TENM2: variants seen among roughly 807,000 people sequenced by gnomAD.
The protein encoded by TENM2 is teneurin-2.
TENM2 carries 52 observed loss-of-function variants against 245.2 expected under a neutral mutation model. That is an observed-to-expected ratio of 0.21 (90% CI 0.17 to 0.27). TENM2 has a LOEUF of 0.27. TENM2 is among the 10% of genes least tolerant of loss of function. The pLI, the probability that TENM2 is intolerant of heterozygous loss-of-function variation, is 1.00. For synonymous variants in TENM2, 1,363 were observed against 1,438.9 expected, an observed-to-expected ratio of 0.95 and a Z score of 1.19; for missense variants, 3,046 against 3,666.8, an observed-to-expected ratio of 0.83 and a Z score of 4.37.
chr5:167,646,931 A>C (rs562204153), intron 2 of TENM2, among the ~76,000 whole-genome samples: 1 of 152,304 alleles, frequency 6.6e-6, no homozygotes, highest in South Asian at 2.1e-4. Flanking sequence ...CGCAGTTGAA[A>C]GGAGAGAACG....
At chr5:166,982,602 G>T in the TENM2 span, among the ~76,000 whole-genome samples, 2 of 152,004 alleles carry the variant, frequency 1.3e-5, no homozygotes, top group African/African-American at 2.4e-5. Context: ...CTTGAAGGGG[G>T]CAACATGAAA....
chr5:167,659,744 T>C (rs1755080873), intron 2 of TENM2, among the ~76,000 whole-genome samples: 1 of 152,190 alleles, frequency 6.6e-6, no homozygotes, highest in South Asian at 2.1e-4. Flanking sequence ...AAAAAAATCT[T>C]TTTGTAGAGT....
At chr5:166,997,103 A>C in the TENM2 span, among the ~76,000 whole-genome samples, 4 of 152,214 alleles carry the variant, frequency 2.6e-5, no homozygotes, top group Non-Finnish European at 2.9e-5. Flanking sequence ...TAATACTATG[A>C]TATATCAGAA....
intron 4 of TENM2, 137 bp downstream of exon 6, chr5:167,952,959 C>G (rs1404943128): frequency 2.9e-6 from 2 of 688,810 alleles, no homozygotes; most frequent in African/African-American, 3.6e-5. Context: ...TTTACCACCT[C>G]CTTGTTCCCT....
At chr5:167,021,954 C>A in the TENM2 span, among the ~76,000 whole-genome samples, 1 of 152,160 alleles carries the variant, frequency 6.6e-6, no homozygotes, top group African/African-American at 2.4e-5. Flanking sequence ...CTGACAAGAC[C>A]TAACCCATTG....
chr5:168,234,399 A>G (rs1765232605), intron 25 of TENM2, among the ~76,000 whole-genome samples: 1 of 152,168 alleles, frequency 6.6e-6, no homozygotes, highest in African/African-American at 2.4e-5. Context: ...TGTATCTTAT[A>G]ATAGACATCT....
chr5:167,579,540 C>T (rs1041812796), intron 2 of TENM2, among the ~76,000 whole-genome samples: 20 of 152,168 alleles, frequency 1.3e-4, no homozygotes, highest in African/African-American at 4.3e-4. Flanking sequence ...GTTCTTCTGA[C>T]GGTTCGACAG....
the TENM2 span, among the ~76,000 whole-genome samples, chr5:167,064,242 G>A: frequency 1.1e-4 from 16 of 152,306 alleles, no homozygotes; most frequent in Admixed American, 3.3e-4. Flanking sequence ...TAAAATCGCC[G>A]TTTTCTAGCC....
chr5:167,464,854 A>G (rs899013813), intron 2 of TENM2, among the ~76,000 whole-genome samples: 7 of 151,690 alleles, frequency 4.6e-5, no homozygotes, highest in African/African-American at 1.7e-4. Context: ...AAATTTTCTG[A>G]AAAAAAGCAC....
chr5:168,098,399 C>T (rs1336883201), intron 9 of TENM2, among the ~76,000 whole-genome samples: 1 of 152,190 alleles, frequency 6.6e-6, no homozygotes, highest in Non-Finnish European at 1.5e-5. Flanking sequence ...GTCGGATTTC[C>T]TGTAAAAGCA....
At chr5:167,532,541 A>G (rs1771576304) in intron 2 of TENM2, among the ~76,000 whole-genome samples, 1 of 151,872 alleles carries the variant, frequency 6.6e-6, no homozygotes, top group Non-Finnish European at 1.5e-5. Flanking sequence ...AAACCATCAG[A>G]TCTCATGAGA....
At chr5:167,374,724 A>G (rs1010084597) in intron 1 of TENM2, among the ~76,000 whole-genome samples, 1 of 152,122 alleles carries the variant, frequency 6.6e-6, no homozygotes, top group African/African-American at 2.4e-5. Flanking sequence ...GACCATCAAG[A>G]TGCATGGCCT....
chr5:167,844,663 A>C (rs532160319), intron 2 of TENM2, among the ~76,000 whole-genome samples: 1 of 152,314 alleles, frequency 6.6e-6, no homozygotes, highest in Admixed American at 6.5e-5. Context: ...ATAGCAAATT[A>C]CTTGGTGGAC....
chr5:167,684,996 C>T (rs1756978448), intron 2 of TENM2, among the ~76,000 whole-genome samples: 1 of 152,180 alleles, frequency 6.6e-6, no homozygotes, highest in African/African-American at 2.4e-5. Flanking sequence ...TCAATTGGTA[C>T]TCAGTGCTGC....
At chr5:167,929,202 G>A (rs1386069417) in intron 3 of TENM2, among the ~76,000 whole-genome samples, 1 of 136,938 alleles carries the variant, frequency 7.3e-6, no homozygotes, top group Non-Finnish European at 1.6e-5. Flanking sequence ...AGGAAGGAAG[G>A]AAAAGGGAAA....
At chr5:167,240,843 C>T in the TENM2 span, among the ~76,000 whole-genome samples, 34 of 152,308 alleles carry the variant, frequency 2.2e-4, no homozygotes, top group South Asian at 1.5e-3. Context: ...CCTCATGTCT[C>T]CTTGCATTGG....
the TENM2 span, among the ~76,000 whole-genome samples, chr5:167,155,559 C>T: frequency 1.3e-5 from 2 of 152,174 alleles, no homozygotes; most frequent in African/African-American, 4.8e-5. Context: ...TAGTGCTGCT[C>T]TAAGTCTGTG....
At chr5:167,646,123 CAT>C (rs575186493) in intron 2 of TENM2, among the ~76,000 whole-genome samples, 39 of 131,708 alleles carry the variant, frequency 3.0e-4, no homozygotes, top group Non-Finnish European at 5.4e-4. Context: ...TATATATGTG[CAT>C]ATATATGTTT....
At chr5:167,859,373 G>C (rs1771453190) in intron 2 of TENM2, among the ~76,000 whole-genome samples, 1 of 149,786 alleles carries the variant, frequency 6.7e-6, no homozygotes, top group African/African-American at 2.4e-5. Flanking sequence ...CGTCCGGGAG[G>C]GAGGTGGGGG....
Sources: allele counts gnomAD v4.1 joint callset (sites outside exome capture counted in the v4.1 genomes callset), GRCh38; gene constraint gnomAD v4.1.1; transcripts MANE v1.5; gene names NCBI Gene and HGNC (gene_info 2026-07-23, HGNC 2026-07-21).